Variants in FAR1 observed in about 807,000 individuals in gnomAD.
FAR1 encodes the protein male sterility domain-containing protein 2.
FAR1 carries 22 observed loss-of-function variants against 61.1 expected under a neutral mutation model. That is an observed-to-expected ratio of 0.36 (90% confidence interval 0.26 to 0.51). The LOEUF is 0.51. Among genes scored for constraint, FAR1 ranks in the 20% least tolerant of loss-of-function variants. FAR1 has a pLI of 0.95. For missense variants in FAR1, 359 were observed against 626.9 expected, an observed-to-expected ratio of 0.57 and a Z score of 4.56; for synonymous variants, 206 against 209.7, an observed-to-expected ratio of 0.98 and a Z score of 0.15.
intron 10 of FAR1, among the ~76,000 whole-genome samples, chr11:13,724,675 TTAACC>T (rs1848651446): frequency 1.3e-5 from 2 of 152,188 alleles, no homozygotes; most frequent in African/African-American, 4.8e-5. Flanking sequence ...AATGTTTTAT[TTAACC>T]TAACATATAA....
At chr11:13,699,170 G>C (rs550164274) in intron 2 of FAR1, among the ~76,000 whole-genome samples, 5 of 152,244 alleles carry the variant, frequency 3.3e-5, no homozygotes, top group African/African-American at 1.2e-4. Flanking sequence ...CAGCTTGTGT[G>C]TGGTCTTTTA....
intron 4 of FAR1, among the ~76,000 whole-genome samples, chr11:13,709,569 G>A (rs1212554644): frequency 2.0e-5 from 3 of 151,848 alleles, no homozygotes; most frequent in South Asian, 4.1e-4. Flanking sequence ...CTGTAAACTC[G>A]TTCTAGTAAT....
intron 1 of FAR1, among the ~76,000 whole-genome samples, chr11:13,674,841 A>G (rs1848048912): frequency 6.6e-6 from 1 of 152,210 alleles, no homozygotes; most frequent in South Asian, 2.1e-4. Flanking sequence ...TCTGTTCTGT[A>G]TTGGATAGAT....
chr11:13,713,132 C>A lies in FAR1; in HGVS notation c.955+99C>A, dbSNP rs535819927. 4.1e-6 allele frequency: 4 copies of A among 971,964 alleles called. No homozygotes were observed. The Admixed American group carries it at 5.2e-5, about 13-fold the overall frequency. 60.2% of individuals were successfully genotyped at this position (971,964 alleles called of 1,614,324 possible). A position where few individuals can be genotyped will look rare whatever the true frequency, so the allele number is the denominator to read the frequency against. ...GAATACCTATGAGGCATTAAGGCCACTGAGTTACCAATTTGTTCTTAATTG... is the reference window on the plus strand; with the variant it reads ...GAATACCTATGAGGCATTAAGGCCAATGAGTTACCAATTTGTTCTTAATTG... On this transcript the variant is annotated intron_variant, in intron 8 of 11. Coordinates refer to ENST00000354817, the MANE Select transcript of FAR1 (RefSeq NM_032228.6).
rs543425998 is a variant in FAR1, at chr11:13,715,995, A to G, written c.1127+1315A>G. Among the ~76,000 whole-genome samples the G allele has an allele frequency of 2.0e-4, 31 of 152,314 alleles. No individual in the cohort carries two copies. In the South Asian group the frequency reaches 6.4e-3, roughly 32 times the overall value. On this transcript the variant is annotated intron_variant, in intron 9 of 11. Coordinates refer to ENST00000354817, the MANE Select transcript of FAR1 (RefSeq NM_032228.6). ...ATGTTTCTAACCCTATATGTTAGCT[A>G]ATTGAAATATGTGAGAGGTGTTGAA...
At chr11:13,687,287 G>A (rs1848197644) in intron 1 of FAR1, among the ~76,000 whole-genome samples, 1 of 152,184 alleles carries the variant, frequency 6.6e-6, no homozygotes. Context: ...AGCTAGCTAC[G>A]ACTGCTAGGT....
At chr11:13,669,132 G>A (rs1847964404) in intron 1 of FAR1, among the ~76,000 whole-genome samples, 1 of 152,232 alleles carries the variant, frequency 6.6e-6, no homozygotes, top group African/African-American at 2.4e-5. Context: ...GTGGGGCGGG[G>A]TGGTTAGCCG....
chr11:13,705,593 A>G (rs1458650050), intron 3 of FAR1, among the ~76,000 whole-genome samples: 1 of 152,026 alleles, frequency 6.6e-6, no homozygotes, highest in African/African-American at 2.4e-5. Flanking sequence ...ATTCCCTTAT[A>G]GTCTAGTGGA....
In FAR1 at chr11:13,714,634, GCATTC is replaced by G; in HGVS notation, c.1083_1087del (p.Phe362ValfsTer2). 1 of 1,613,268 alleles carries G rather than the reference GCATTC, an allele frequency of 6.2e-7. No individual in the cohort carries two copies. The highest frequency in any genetic ancestry group is 8.5e-7 in the Non-Finnish European group (1 of 1,179,560). ...GATTGCTGTAAGCCATAAGGCCCCAGCATTCCTGTATGATATCTACCTCAGGATGA... is the reference window on the plus strand; with the variant it reads ...GATTGCTGTAAGCCATAAGGCCCCAGCTGTATGATATCTACCTCAGGATGA... On this transcript the variant is annotated frameshift_variant, in exon 9 of 12. Transcript: ENST00000354817. LOFTEE classifies it high-confidence loss of function.
intron 1 of FAR1, among the ~76,000 whole-genome samples, chr11:13,692,694 T>C (rs1848263659): frequency 6.6e-6 from 1 of 152,192 alleles, no homozygotes; most frequent in African/African-American, 2.4e-5. Context: ...GCTTGGGGGC[T>C]ATTAATTTTA....
chr11:13,720,521 G>A (rs1250684939), intron 9 of FAR1: 1 of 151,910 alleles, frequency 6.6e-6, no homozygotes, highest in East Asian at 1.9e-4. Flanking sequence ...TTACTTTATT[G>A]GATGAAATAT....
At chr11:13,687,289 C>T (rs2134174567) in intron 1 of FAR1, among the ~76,000 whole-genome samples, 1 of 152,316 alleles carries the variant, frequency 6.6e-6, no homozygotes, top group South Asian at 2.1e-4. Flanking sequence ...CTAGCTACGA[C>T]TGCTAGGTGC....
At chr11:13,724,375 C>A (rs562048281) in intron 10 of FAR1, among the ~76,000 whole-genome samples, 3 of 151,626 alleles carry the variant, frequency 2.0e-5, no homozygotes, top group African/African-American at 7.3e-5. Flanking sequence ...GTGAGACCCT[C>A]TCTCTACAGA....
At chr11:13,669,912 A>G (rs138902894) in intron 1 of FAR1, among the ~76,000 whole-genome samples, 1,745 of 152,316 alleles carry the variant, frequency 0.011, 21 homozygotes, top group Non-Finnish European at 0.015. Flanking sequence ...TTTAAAGACA[A>G]CATCAGAAGA....
At chr11:13,717,520 G>C (rs1412286334) in intron 9 of FAR1, among the ~76,000 whole-genome samples, 1 of 152,278 alleles carries the variant, frequency 6.6e-6, no homozygotes, top group Middle Eastern at 3.4e-3. Flanking sequence ...AGTTCTCTGA[G>C]GTTCTTGCCT....
chr11:13,689,274 A>T (rs935588682), intron 1 of FAR1, among the ~76,000 whole-genome samples: 1 of 152,206 alleles, frequency 6.6e-6, no homozygotes, highest in Non-Finnish European at 1.5e-5. Context: ...TAGAAATAGA[A>T]CATCACCAGA....
At chr11:13,716,169 GGTT>G (rs1261591129) in intron 9 of FAR1, among the ~76,000 whole-genome samples, 2 of 151,966 alleles carry the variant, frequency 1.3e-5, no homozygotes, top group East Asian at 1.9e-4. Flanking sequence ...ATATTAATAA[GGTT>G]GTTATAATTT....
chr11:13,698,398 C>G (rs1848331665), intron 2 of FAR1, among the ~76,000 whole-genome samples: 1 of 152,174 alleles, frequency 6.6e-6, no homozygotes, highest in South Asian at 2.1e-4. Flanking sequence ...AATGTTACAT[C>G]CTGAATCTCA....
In FAR1 at chr11:13,709,975, T is replaced by TAGAA. The variant is rs1848479328; in HGVS notation, c.546-715_546-714insAAGA. ...GCCCTCCTTTTACAGATGAACAGAG[T>TAGAA]AGACCATTTCTTCAAAGAGAACTGG... On this transcript the variant is annotated intron_variant, in intron 4 of 11. Coordinates refer to ENST00000354817, the MANE Select transcript of FAR1 (RefSeq NM_032228.6). 3.9e-5 allele frequency among the ~76,000 whole-genome samples: 6 copies of TAGAA among 152,062 alleles called. No homozygotes were observed. The South Asian group carries it at 1.2e-3, about 32-fold the overall frequency.
Sources: allele counts gnomAD v4.1 joint callset (sites outside exome capture counted in the v4.1 genomes callset), GRCh38; gene constraint gnomAD v4.1.1; transcripts MANE v1.5; gene names NCBI Gene and HGNC (gene_info 2026-07-23, HGNC 2026-07-21).